Variants in PLXNA4 observed in about 807,000 individuals in gnomAD.
PLXNA4 encodes the protein plexin-A4.
A neutral mutation model predicts 191.8 loss-of-function variants in PLXNA4; 44 were observed. The ratio of observed to expected loss-of-function variants is 0.23; its 90% confidence interval spans 0.18 to 0.29. PLXNA4 has a LOEUF of 0.29. Among genes scored for constraint, PLXNA4 ranks in the 10% least tolerant of loss-of-function variants. The pLI is 1.00. For synonymous variants in PLXNA4, 1,082 were observed against 1,009.5 expected (o/e 1.07, Z -1.36); for missense variants, 1,800 against 2,488.8 (o/e 0.72, Z 5.89).
In PLXNA4 at chr7:132,501,713, T is replaced by C. The variant is rs139351564; in HGVS notation, c.1188+5793A>G. Among the ~76,000 whole-genome samples the C allele has an allele frequency of 4.5e-3, 678 of 152,250 alleles. 2 individuals are homozygous for C. The highest frequency in any genetic ancestry group is 0.037 in the Middle Eastern group (11 of 294). On this transcript the variant is annotated intron_variant, in intron 2 of 31. Coordinates refer to ENST00000321063, the MANE Select transcript of PLXNA4 (RefSeq NM_020911.2). Reference sequence around the variant, plus strand: ...ACCTAAATACCTGAGACAGGTGCCATCTCCGAGAGAGTGGGAAGACTTGAT... The same window carrying C: ...ACCTAAATACCTGAGACAGGTGCCACCTCCGAGAGAGTGGGAAGACTTGAT...
At chr7:132,594,388 C>G (rs1802660515) in intron 2 of PLXNA4, among the ~76,000 whole-genome samples, 1 of 152,208 alleles carries the variant, frequency 6.6e-6, no homozygotes. Context: ...TGCAGACACC[C>G]TGATCTCAGA....
intron 3 of PLXNA4, among the ~76,000 whole-genome samples, chr7:132,371,649 G>C (rs561731810): frequency 2.0e-4 from 30 of 152,174 alleles, no homozygotes; most frequent in Non-Finnish European, 4.0e-4. Context: ...CCTTAAACTC[G>C]AGTGGGGACG....
At chr7:132,207,045 C>T (rs531614629) in intron 10 of PLXNA4, among the ~76,000 whole-genome samples, 24 of 152,344 alleles carry the variant, frequency 1.6e-4, no homozygotes, top group Admixed American at 5.2e-4. Context: ...ATAACTGAGA[C>T]ATTCTTTCCT....
intron 14 of PLXNA4, among the ~76,000 whole-genome samples, chr7:132,189,330 G>A (rs1276881443): frequency 6.6e-6 from 1 of 152,084 alleles, no homozygotes; most frequent in Non-Finnish European, 1.5e-5. Flanking sequence ...ATATTTCACG[G>A]TGGGTTTGCA....
rs535784211 is a variant in PLXNA4, at chr7:132,570,659, A to G, written c.-87+5763T>C. Among the ~76,000 whole-genome samples the G allele has an allele frequency of 1.4e-4, 22 of 152,312 alleles. No individual in the cohort carries two copies. The East Asian group carries it at 4.2e-3, about 29-fold the overall frequency. On this transcript the variant is annotated intron_variant, in intron 1 of 31. Coordinates refer to ENST00000321063, the MANE Select transcript of PLXNA4 (RefSeq NM_020911.2). ...CACTGCTTCTCTCCTCATACTTCAT[A>G]ATGAAAATACTCTACCCTGTAAGAC...
At chr7:132,581,607 C>T (rs1802404071), upstream of PLXNA4, among the ~76,000 whole-genome samples, 1 of 152,192 alleles carries the variant, frequency 6.6e-6, no homozygotes. Context: ...TGTGGTTGCC[C>T]TCTGCAAGGG....
At chr7:132,408,493 T>A (rs913100921) in intron 3 of PLXNA4, among the ~76,000 whole-genome samples, 1 of 151,692 alleles carries the variant, frequency 6.6e-6, no homozygotes, top group African/African-American at 2.4e-5. Flanking sequence ...AGAGAGAGTC[T>A]CACTCTGTCA....
chr7:132,409,579 C>T (rs904487130), intron 3 of PLXNA4, among the ~76,000 whole-genome samples: 2 of 152,068 alleles, frequency 1.3e-5, no homozygotes, highest in Non-Finnish European at 2.9e-5. Context: ...TGAACCAGCT[C>T]CCCACCCTGG....
At chr7:132,627,608 G>T (rs151138517) in intron 2 of PLXNA4, among the ~76,000 whole-genome samples, 4 of 152,176 alleles carry the variant, frequency 2.6e-5, no homozygotes, top group Admixed American at 2.6e-4. Context: ...TAGGTCACGA[G>T]GGCTCCACAC....
chr7:132,349,996 G>A (rs910969109), intron 3 of PLXNA4, among the ~76,000 whole-genome samples: 7 of 152,104 alleles, frequency 4.6e-5, no homozygotes, highest in African/African-American at 1.7e-4. Flanking sequence ...GGAAGGAAAT[G>A]AATGTGTGCT....
At chr7:132,416,585 G>A (rs1038178860) in intron 3 of PLXNA4, among the ~76,000 whole-genome samples, 8 of 152,160 alleles carry the variant, frequency 5.3e-5, no homozygotes, top group Non-Finnish European at 8.8e-5. Flanking sequence ...TTTCCAACAC[G>A]TCTTCACACT....
In PLXNA4 at chr7:132,561,576, T is replaced by TCCTTCTCCTCCTCCTCCTTTCC. The variant is rs1563172814; in HGVS notation, c.-87+14845_-87+14846insGGAAAGGAGGAGGAGGAGAAGG. Among the ~76,000 whole-genome samples, 34 of 91,600 alleles carry TCCTTCTCCTCCTCCTCCTTTCC rather than the reference T, an allele frequency of 3.7e-4. 1 individual carries two copies. Among genetic ancestry groups the TCCTTCTCCTCCTCCTCCTTTCC allele is most frequent in the African/African-American group, 1.6e-3 (33 of 21,158 alleles). The allele number at this position is 91,600 out of a possible 152,430, so 60.1% of individuals were successfully genotyped here. On this transcript the variant is annotated intron_variant, in intron 1 of 31. Transcript: ENST00000321063. The stretch of plus-strand genomic sequence containing the variant: ...TCCTCCTTCTCCTCCTCCTTTCCCC[T>TCCTTCTCCTCCTCCTCCTTTCC]CCTCCTCTTCCTCCTTCTCTTCCTC...
At position 132,126,830 on chromosome 7, in the gene PLXNA4, G is replaced by A. The variant is rs1794781408; in HGVS notation, c.*3649C>T. ...GCCATTGGAATGTACCTTGGCCTGT[G>A]GGACACTTGGGTTATCCACTGTTCC... On this transcript the variant is annotated 3_prime_UTR_variant, in exon 32 of 32. Coordinates refer to ENST00000321063, the MANE Select transcript of PLXNA4 (RefSeq NM_020911.2). 1 of 152,192 alleles carries A rather than the reference G, an allele frequency of 6.6e-6. No homozygotes were observed. Among genetic ancestry groups the A allele is most frequent in the Non-Finnish European group, 1.5e-5 (1 of 68,034 alleles). The allele number at this position is 152,192 out of a possible 1,614,324, so 9.4% of individuals were successfully genotyped here. A position where few individuals can be genotyped will look rare whatever the true frequency, so the allele number is the denominator to read the frequency against.
Position 132,249,130 on chromosome 7 carries a change from C to T in PLXNA4, c.1504-7964G>A, listed in dbSNP as rs545219569. 7.2e-5 allele frequency among the ~76,000 whole-genome samples: 11 copies of T among 152,360 alleles called. No individual in the cohort carries two copies. In the South Asian group the frequency reaches 2.3e-3, roughly 32 times the overall value. On this transcript the variant is annotated intron_variant, in intron 4 of 31. Transcript: ENST00000321063. The stretch of plus-strand genomic sequence containing the variant: ...AGGCTTGGGGAGCTGAGGTTCCAAG[C>T]TGTAATCTAATCTGTGTGTCTGGGT...
chr7:132,320,404 C>A (rs1407858850), intron 3 of PLXNA4, among the ~76,000 whole-genome samples: 1 of 152,194 alleles, frequency 6.6e-6, no homozygotes, highest in East Asian at 1.9e-4. Context: ...CCATTCTTTT[C>A]TCTCATGAAG....
At chr7:132,405,379 AC>A (rs1366766703) in intron 3 of PLXNA4, among the ~76,000 whole-genome samples, 1 of 152,162 alleles carries the variant, frequency 6.6e-6, no homozygotes, top group African/African-American at 2.4e-5. Flanking sequence ...CATACCTGCT[AC>A]ATTGGACTCA....
intron 14 of PLXNA4, among the ~76,000 whole-genome samples, chr7:132,191,070 C>A (rs922956657): frequency 6.6e-5 from 10 of 152,088 alleles, no homozygotes; most frequent in African/African-American, 2.4e-4. Flanking sequence ...GATAAGGTGG[C>A]AGATCATGCA....
chr7:132,578,234 C>A (rs1187533808), upstream of PLXNA4, among the ~76,000 whole-genome samples: 1 of 152,064 alleles, frequency 6.6e-6, no homozygotes, highest in African/African-American at 2.4e-5. Flanking sequence ...TAACTCAACT[C>A]TGTGCATGCC....
intron 3 of PLXNA4, among the ~76,000 whole-genome samples, chr7:132,460,088 T>C (rs1040454096): frequency 6.6e-6 from 1 of 152,182 alleles, no homozygotes; most frequent in East Asian, 1.9e-4. Flanking sequence ...GTACTGTGGC[T>C]CACTCCGGTA....
Sources: allele counts gnomAD v4.1 joint callset (sites outside exome capture counted in the v4.1 genomes callset), GRCh38; gene constraint gnomAD v4.1.1; transcripts MANE v1.5; gene names NCBI Gene and HGNC (gene_info 2026-07-23, HGNC 2026-07-21).